The following FMNL2 variants were observed in gnomAD, a reference collection of about 807,000 sequenced individuals.
The protein encoded by FMNL2 is formin like 2.
FMNL2 carries 51 observed loss-of-function variants against 130.2 expected under a neutral mutation model. The ratio of observed to expected loss-of-function variants is 0.39; its 90% CI spans 0.31 to 0.49. The LOEUF (loss-of-function observed/expected upper bound fraction) is 0.49, where lower values mean the gene tolerates loss of function less well. Among genes scored for constraint, FMNL2 ranks in the 20% least tolerant of loss-of-function variants. FMNL2 has a pLI of 0.85. For synonymous variants in FMNL2, 465 were observed against 467.1 expected, an observed-to-expected ratio of 1.00 and a Z score of 0.06; for missense variants, 977 against 1,316.2, an observed-to-expected ratio of 0.74 and a Z score of 3.99.
chr2:152,599,756 A>G lies in FMNL2; in HGVS notation c.877-7583A>G, dbSNP rs1177464976. 4.6e-5 allele frequency among the ~76,000 whole-genome samples: 7 copies of G among 152,204 alleles called. No homozygotes were observed. In the South Asian group the frequency reaches 8.3e-4, roughly 18 times the overall value. On this transcript the variant is annotated intron_variant, in intron 9 of 25. Coordinates refer to ENST00000288670, the MANE Select transcript of FMNL2 (RefSeq NM_052905.4). ...TATTTATGAAGGAGGAGAGTTGACT[A>G]GGTTATAGAATACATTTAGTTGCTT...
At chr2:152,594,340 G>A (rs1697640063) in intron 9 of FMNL2, among the ~76,000 whole-genome samples, 1 of 152,144 alleles carries the variant, frequency 6.6e-6, no homozygotes, top group Non-Finnish European at 1.5e-5. Flanking sequence ...AAAATGATAG[G>A]TGCTTTCATT....
chr2:152,375,691 A>G (rs1346712483), intron 1 of FMNL2, among the ~76,000 whole-genome samples: 1 of 151,456 alleles, frequency 6.6e-6, no homozygotes, highest in Non-Finnish European at 1.5e-5. Context: ...TTTAGGGAAG[A>G]CTCCTTGAAA....
intron 1 of FMNL2, among the ~76,000 whole-genome samples, chr2:152,401,898 C>CTTTTTTTTT (rs70974858): frequency 2.5e-5 from 2 of 78,554 alleles, no homozygotes; most frequent in Non-Finnish European, 4.5e-5. Context: ...TGTGTTTAAT[C>CTTTTTTTTT]TTTTTTTTTT....
rs371919356 is a variant in FMNL2, at chr2:152,502,468, C to A, written c.118-19475C>A. Among the ~76,000 whole-genome samples the A allele has an allele frequency of 7.2e-5, 11 of 152,302 alleles. No homozygotes were observed. The East Asian group carries it at 1.9e-3, about 27-fold the overall frequency. On this transcript the variant is annotated intron_variant, in intron 1 of 25. Transcript: ENST00000288670. ...TTGGGAGGCCAAGGTGGGTGGATCACCTGAGGTCAGGAGTCTGAGACCAGC... is the reference window on the plus strand; with the variant it reads ...TTGGGAGGCCAAGGTGGGTGGATCAACTGAGGTCAGGAGTCTGAGACCAGC...
chr2:152,593,926 A>C lies in FMNL2; in HGVS notation c.876+12877A>C, dbSNP rs982859696. On this transcript the variant is annotated intron_variant, in intron 9 of 25. Coordinates refer to ENST00000288670, the MANE Select transcript of FMNL2 (RefSeq NM_052905.4). ...GTGAGAGAGAGAGAGAGAGAGAGAG[A>C]GCGAGAGAGAGCCAAATGGGGATTG... 1.1e-4 allele frequency among the ~76,000 whole-genome samples: 15 copies of C among 139,898 alleles called. 1 individual carries two copies. In the East Asian group the frequency reaches 2.0e-3, roughly 19 times the overall value. The allele number at this position is 139,898 out of a possible 152,430, so 91.8% of individuals were successfully genotyped here. A position where few individuals can be genotyped will look rare whatever the true frequency, so the allele number is the denominator to read the frequency against.
At chr2:152,380,516 G>A (rs980801506) in intron 1 of FMNL2, among the ~76,000 whole-genome samples, 4 of 152,180 alleles carry the variant, frequency 2.6e-5, no homozygotes, top group Non-Finnish European at 5.9e-5. Flanking sequence ...AAGCCAGAGC[G>A]AAGTGAAGGA....
intron 1 of FMNL2, among the ~76,000 whole-genome samples, chr2:152,457,600 A>G (rs192120201): frequency 2.0e-5 from 3 of 152,350 alleles, no homozygotes; most frequent in African/African-American, 7.2e-5. Flanking sequence ...ATCACAGTGT[A>G]TAGCAGAGAA....
At chr2:152,396,851 GA>G (rs1354017778) in intron 1 of FMNL2, among the ~76,000 whole-genome samples, 1 of 152,062 alleles carries the variant, frequency 6.6e-6, no homozygotes, top group African/African-American at 2.4e-5. Flanking sequence ...CCATCATTAA[GA>G]AAAAAACTTA....
intron 19 of FMNL2, 24 bp downstream of exon 19, chr2:152,629,748 T>C (rs1017000991): frequency 6.2e-7 from 1 of 1,600,728 alleles, no homozygotes. Flanking sequence ...TTCTTGTAGG[T>C]ATGAAGGACT....
chr2:152,494,546 A>G (rs757828524), intron 1 of FMNL2, among the ~76,000 whole-genome samples: 2 of 152,214 alleles, frequency 1.3e-5, no homozygotes, highest in Admixed American at 1.3e-4. Context: ...TCAAATTAAA[A>G]TTTCATAAAC....
chr2:152,400,154 C>T (rs553208156), intron 1 of FMNL2, among the ~76,000 whole-genome samples: 15 of 152,214 alleles, frequency 9.9e-5, no homozygotes, highest in East Asian at 3.9e-4. Flanking sequence ...AAGAATGGGC[C>T]GGGCGCAGTG....
chr2:152,560,480 A>G (rs1328161783), intron 5 of FMNL2, among the ~76,000 whole-genome samples: 1 of 152,246 alleles, frequency 6.6e-6, no homozygotes, highest in Non-Finnish European at 1.5e-5. Context: ...CTCAGTGAAA[A>G]TTGATGGGTA....
chr2:152,363,966 A>ATTT (rs1307428963), intron 1 of FMNL2, among the ~76,000 whole-genome samples: 1 of 152,030 alleles, frequency 6.6e-6, no homozygotes, highest in South Asian at 2.1e-4. Context: ...AGTTAATTTG[A>ATTT]TTTTTTTGTT....
intron 2 of FMNL2, among the ~76,000 whole-genome samples, chr2:152,532,938 T>C (rs1693789455): frequency 6.6e-6 from 1 of 152,186 alleles, no homozygotes; most frequent in South Asian, 2.1e-4. Flanking sequence ...AGTGGGTTAT[T>C]TGTCTTAGTG....
At chr2:152,634,346 T>C (rs1486070112) in intron 21 of FMNL2, among the ~76,000 whole-genome samples, 2 of 152,152 alleles carry the variant, frequency 1.3e-5, no homozygotes, top group Admixed American at 6.5e-5. Context: ...GGCAGGAGAA[T>C]TGCTTGAACC....
chr2:152,569,577 G>GA (rs578004650), intron 6 of FMNL2, among the ~76,000 whole-genome samples: 471 of 151,558 alleles, frequency 3.1e-3, no homozygotes, highest in Non-Finnish European at 5.7e-3. Context: ...GCTCCTTGGG[G>GA]GGCTGAGGCA....
intron 1 of FMNL2, among the ~76,000 whole-genome samples, chr2:152,391,912 T>TG (rs1191256659): frequency 1.4e-5 from 2 of 144,440 alleles, no homozygotes; most frequent in Admixed American, 7.0e-5. Context: ...GAAGTTGTTT[T>TG]TTTTTTTTTT....
intron 5 of FMNL2, 52 bp from the exon 6 acceptor site, chr2:152,560,831 A>G (rs1362045958): frequency 1.6e-5 from 25 of 1,548,834 alleles, no homozygotes; most frequent in Non-Finnish European, 2.0e-5. Flanking sequence ...GTTCGTTTAT[A>G]CATGTGAATG....
intron 9 of FMNL2, 37 bp from the exon 10 acceptor site, chr2:152,607,302 T>C (rs1327346151): frequency 1.3e-6 from 2 of 1,577,360 alleles, no homozygotes; most frequent in South Asian, 2.2e-5. Flanking sequence ...TGTTTATGTT[T>C]AGAAAGTCAC....
Sources: allele counts gnomAD v4.1 joint callset (sites outside exome capture counted in the v4.1 genomes callset), GRCh38; gene constraint gnomAD v4.1.1; transcripts MANE v1.5; gene names NCBI Gene and HGNC (gene_info 2026-07-23, HGNC 2026-07-21).